ZNF430: variants seen among roughly 807,000 people sequenced by gnomAD.
ZNF430 encodes zinc finger protein 430.
A neutral mutation model predicts 56.7 loss-of-function variants in ZNF430; 35 were observed. The ratio of observed to expected loss-of-function variants is 0.62; its 90% CI spans 0.47 to 0.82. The LOEUF is 0.82. Among genes scored for constraint, ZNF430 ranks in the 40% least tolerant of loss-of-function variants. The pLI, the probability that ZNF430 is intolerant of heterozygous loss-of-function variation, is 0.00. For synonymous variants in ZNF430, 212 were observed against 224.3 expected, an observed-to-expected ratio of 0.94 and a Z score of 0.49; for missense variants, 574 against 661.0, an observed-to-expected ratio of 0.87 and a Z score of 1.44.
chr19:21,033,471 A>G lies in ZNF430; in HGVS notation c.112A>G (p.Arg38Gly), dbSNP rs1283383720. 2.7e-5 allele frequency: 44 copies of G among 1,610,664 alleles called. No individual in the cohort carries two copies. Among genetic ancestry groups the G allele is most frequent in the Non-Finnish European group, 3.6e-5 (43 of 1,178,458 alleles). ...TGTTTTTCAGGGGCCATTGACATTTAGGGATGTGGCCATAGAATTTTCTCT... is the reference window on the plus strand; with the variant it reads ...TGTTTTTCAGGGGCCATTGACATTTGGGGATGTGGCCATAGAATTTTCTCT... The part of the protein sequence containing the change: ...SFYEKGPLTF[R>G]DVAIEFSLEE... Residue 38 changes from arginine (R) to glycine (G), a missense_variant, in exon 3 of 5, where the codon AGG becomes GGG. By Grantham distance (125) the Arg-to-Gly change is moderately radical (BLOSUM62 -2). Transcript: ENST00000261560.
At chr19:21,039,351 T>C (rs1003543872) in intron 4 of ZNF430, among the ~76,000 whole-genome samples, 1 of 150,972 alleles carries the variant, frequency 6.6e-6, no homozygotes, top group African/African-American at 2.4e-5. Context: ...TGCCTTGGCC[T>C]CTGAAAGTGC....
In ZNF430 at chr19:21,053,760, T is replaced by C. The variant is rs559296833; in HGVS notation, c.323-2871T>C. On this transcript the variant is annotated intron_variant, in intron 4 of 4. Coordinates refer to ENST00000261560, the MANE Select transcript of ZNF430 (RefSeq NM_025189.4). ...TTGAGTGGAAAGTTAGTTATATATA[T>C]GTATGTGTATATATATAAACTCTGA... Among the ~76,000 whole-genome samples, 5 of 152,324 alleles carry C rather than the reference T, an allele frequency of 3.3e-5. No homozygotes were observed. In the South Asian group the frequency reaches 8.3e-4, roughly 25 times the overall value.
intron 4 of ZNF430, among the ~76,000 whole-genome samples, chr19:21,046,560 C>T (rs958644606): frequency 1.3e-5 from 2 of 152,194 alleles, no homozygotes; most frequent in South Asian, 2.1e-4. Context: ...TCAGCGTTTA[C>T]TTGTCTGAAA....
intron 4 of ZNF430, among the ~76,000 whole-genome samples, chr19:21,041,459 A>T: frequency 6.6e-6 from 1 of 152,208 alleles, no homozygotes; most frequent in Admixed American, 6.5e-5. Flanking sequence ...TGATTGCTTA[A>T]AGAAATAAAG....
At chr19:21,042,624 T>C (rs1320854262) in intron 4 of ZNF430, among the ~76,000 whole-genome samples, 1 of 151,956 alleles carries the variant, frequency 6.6e-6, no homozygotes, top group African/African-American at 2.4e-5. Context: ...CCGTCCCTGC[T>C]AAAAATATAA....
Position 21,056,971 on chromosome 19 carries a change from T to C in ZNF430, c.663T>C (p.Thr221=). 1 of 1,613,960 alleles carries C rather than the reference T, an allele frequency of 6.2e-7. No homozygotes were observed. Among genetic ancestry groups the C allele is most frequent in the Non-Finnish European group, 8.5e-7 (1 of 1,179,908 alleles). ...DKSFCMLLHL[T]QHKRIHIREN... ...CGTTTTGCATGCTTTTACACCTAAC[T>C]CAACATAAAAGAATTCATATTAGGG... Residue 221 remains threonine (T), a synonymous_variant, in exon 5 of 5, where the codon ACT becomes ACC. Coordinates refer to ENST00000261560, the MANE Select transcript of ZNF430 (RefSeq NM_025189.4).
At chr19:21,048,467 C>T (rs930475199) in intron 4 of ZNF430, among the ~76,000 whole-genome samples, 1 of 151,838 alleles carries the variant, frequency 6.6e-6, no homozygotes, top group Non-Finnish European at 1.5e-5. Context: ...CCTGAGTGGA[C>T]ACAGTACATG....
chr19:21,055,072 CT>C (rs1453925547), intron 4 of ZNF430, among the ~76,000 whole-genome samples: 1 of 151,946 alleles, frequency 6.6e-6, no homozygotes, highest in Non-Finnish European at 1.5e-5. Context: ...TGTTCTTACC[CT>C]CATTTTTCTG....
intron 4 of ZNF430, among the ~76,000 whole-genome samples, chr19:21,038,275 GT>G (rs1178484297): frequency 2.0e-5 from 3 of 151,652 alleles, no homozygotes; most frequent in African/African-American, 7.3e-5. Flanking sequence ...TTTTAACATT[GT>G]TTTTTAAAAG....
At position 21,059,721 on chromosome 19, in the gene ZNF430, GTTTC is replaced by G. The variant is rs1431737821; in HGVS notation, c.*1704_*1707del. On this transcript the variant is annotated 3_prime_UTR_variant, in exon 5 of 5. Coordinates refer to ENST00000261560, the MANE Select transcript of ZNF430 (RefSeq NM_025189.4). ...TTCAACTCTCAAAATATTTCCTACT[GTTTC>G]TTTATTCCAGTTGTATTCACATGTG... 1.3e-5 allele frequency: 2 copies of G among 152,096 alleles called. No individual in the cohort carries two copies. The highest frequency in any genetic ancestry group is 4.8e-5 in the African/African-American group (2 of 41,482). 9.4% of individuals were successfully genotyped at this position (152,096 alleles called of 1,614,324 possible). A position where few individuals can be genotyped will look rare whatever the true frequency, so the allele number is the denominator to read the frequency against.
At chr19:21,028,708 C>T (rs376317641) in intron 2 of ZNF430, among the ~76,000 whole-genome samples, 9 of 151,814 alleles carry the variant, frequency 5.9e-5, no homozygotes, top group South Asian at 2.1e-4. Context: ...TTTTTTTAGA[C>T]GGAGTATTGC....
chr19:21,055,430 TTTAG>T (rs1300280099), intron 4 of ZNF430, among the ~76,000 whole-genome samples: 2 of 149,662 alleles, frequency 1.3e-5, no homozygotes, highest in African/African-American at 4.9e-5. Context: ...TTCTTCTTTT[TTTAG>T]TTTTTTTTTT....
chr19:21,052,981 T>C (rs1968308665), intron 4 of ZNF430, among the ~76,000 whole-genome samples: 1 of 152,180 alleles, frequency 6.6e-6, no homozygotes, highest in South Asian at 2.1e-4. Context: ...TACTATTGGG[T>C]CACAGTCTTC....
At chr19:21,035,659 G>A (rs937331166) in intron 4 of ZNF430, 5 of 207,352 alleles carry the variant, frequency 2.4e-5, no homozygotes, top group African/African-American at 1.2e-4. Flanking sequence ...GTTTCAGTAG[G>A]TAAAGATCTT....
chr19:21,034,035 T>C (rs1967949550), intron 3 of ZNF430, 51 bp from the exon 4 acceptor site: 1 of 1,420,204 alleles, frequency 7.0e-7, no homozygotes, highest in Non-Finnish European at 1.0e-6. Flanking sequence ...CAGTACTAGG[T>C]TGGTAACTGA....
intron 2 of ZNF430, chr19:21,025,960 A>G (rs1168369711): frequency 2.4e-6 from 1 of 416,498 alleles, no homozygotes; most frequent in Non-Finnish European, 4.5e-6. Flanking sequence ...AGTGATCCAT[A>G]AACCTGGTCA....
At chr19:21,024,154 C>G (rs1156679181) in intron 2 of ZNF430, among the ~76,000 whole-genome samples, 1 of 152,068 alleles carries the variant, frequency 6.6e-6, no homozygotes, top group Non-Finnish European at 1.5e-5. Context: ...GGGGAGCCTC[C>G]CCTGCAGATG....
intron 4 of ZNF430, among the ~76,000 whole-genome samples, chr19:21,041,150 TAG>T (rs1167147316): frequency 2.0e-5 from 3 of 152,206 alleles, no homozygotes; most frequent in African/African-American, 7.2e-5. Context: ...ATTTTTGAGA[TAG>T]AGTCTCATTC....
chr19:21,054,950 A>C (rs558416847), intron 4 of ZNF430, among the ~76,000 whole-genome samples: 2 of 152,012 alleles, frequency 1.3e-5, no homozygotes, highest in Admixed American at 1.3e-4. Context: ...CTGGTATTAC[A>C]GGCGTGAGCC....
Sources: allele counts gnomAD v4.1 joint callset (sites outside exome capture counted in the v4.1 genomes callset), GRCh38; gene constraint gnomAD v4.1.1; transcripts MANE v1.5; gene names NCBI Gene and HGNC (gene_info 2026-07-23, HGNC 2026-07-21).